The following PRUNE2 variants were observed in gnomAD, a reference collection of about 807,000 sequenced individuals.
PRUNE2 encodes the protein protein prune homolog 2.
In PRUNE2, 164 loss-of-function variants were observed where a neutral mutation model predicts 252.0. That is an observed-to-expected ratio of 0.65 (90% CI 0.57 to 0.74). The LOEUF is 0.74. Among genes scored for constraint, PRUNE2 ranks in the 30% least tolerant of loss-of-function variants. The pLI is 0.00. For missense variants in PRUNE2, 3,495 were observed against 3,711.0 expected (o/e 0.94, Z 1.51); for synonymous variants, 1,292 against 1,350.2 (o/e 0.96, Z 0.94).
chr9:76,620,072 T>C lies in PRUNE2; in HGVS notation c.9189-685A>G, dbSNP rs184366672. Among the ~76,000 whole-genome samples the C allele has an allele frequency of 2.2e-3, 336 of 152,276 alleles. 3 individuals are homozygous for C. The highest frequency in any genetic ancestry group is 7.5e-3 in the African/African-American group (312 of 41,546). On this transcript the variant is annotated intron_variant, in intron 17 of 18. Transcript: ENST00000376718. ...TGGTGTGATTTCTCTGTGAGCAAAT[T>C]TCAAATTTGCTTCCTATTAATTCTT...
At chr9:76,835,207 T>C (rs1293163770) in intron 4 of PRUNE2, among the ~76,000 whole-genome samples, 2 of 152,126 alleles carry the variant, frequency 1.3e-5, no homozygotes, top group African/African-American at 2.4e-5. Context: ...TATGATCTAA[T>C]GAAGTCAGAA....
intron 8 of PRUNE2, among the ~76,000 whole-genome samples, chr9:76,704,514 C>T (rs1411335242): frequency 5.3e-5 from 8 of 152,200 alleles, no homozygotes; most frequent in South Asian, 2.1e-4. Context: ...CGTGAGCCAC[C>T]GCGCCCAGCT....
At chr9:76,639,432 A>G (rs1841606322) in intron 12 of PRUNE2, among the ~76,000 whole-genome samples, 1 of 152,214 alleles carries the variant, frequency 6.6e-6, no homozygotes, top group Non-Finnish European at 1.5e-5. Context: ...CAGAGGTTGC[A>G]GTGAGCCAAG....
intron 1 of PRUNE2, among the ~76,000 whole-genome samples, chr9:76,889,427 C>T (rs963201622): frequency 1.3e-5 from 2 of 151,762 alleles, no homozygotes; most frequent in Non-Finnish European, 2.9e-5. Context: ...CTCAAGCAAT[C>T]CTCTTGCCTC....
At chr9:76,683,988 T>C (rs1196359795) in intron 9 of PRUNE2, among the ~76,000 whole-genome samples, 2 of 151,628 alleles carry the variant, frequency 1.3e-5, no homozygotes, top group East Asian at 1.9e-4. Flanking sequence ...CGAATATATA[T>C]TGATGGGATA....
In PRUNE2 at chr9:76,709,863, C is replaced by T; in HGVS notation, c.2411G>A (p.Gly804Asp). The T allele has an allele frequency of 6.2e-7, 1 of 1,613,874 alleles. No homozygotes were observed. The highest frequency in any genetic ancestry group is 8.5e-7 in the Non-Finnish European group (1 of 1,179,864). ...VAPFPAWSAF[G>D]KEDHDEALKN... ...TAAAGCTTCATCATGATCTTCTTTA[C>T]CAAATGCACTCCAGGCTGGGAATGG... is the stretch of plus-strand genomic sequence containing the variant. Residue 804 changes from glycine to aspartate, a missense_variant, in exon 8 of 19, where the codon GGT (glycine) becomes GAT (aspartate). Physicochemically the swap from Gly to Asp is moderately conservative, Grantham distance 94. Coordinates refer to ENST00000376718, the MANE Select transcript of PRUNE2 (RefSeq NM_015225.3).
At position 76,707,434 on chromosome 9, in the gene PRUNE2, A is replaced by G. The variant is rs758673718; in HGVS notation, c.4840T>C (p.Phe1614Leu). The G allele has an allele frequency of 1.9e-6, 3 of 1,613,960 alleles. No individual in the cohort carries two copies. In the East Asian group the frequency reaches 6.7e-5, roughly 36 times the overall value. Residue 1614 changes from phenylalanine (F) to leucine (L), a missense_variant, in exon 8 of 19, where the codon TTT becomes CTT. Physicochemically the swap from Phe to Leu is conservative, Grantham distance 22. Transcript: ENST00000376718. ...AAAAATGTAGGAGTTTTGCGATCAA[A>G]GCTCTTTTCAAACTCATTTATTCTG... ...KNRINEFEKSFDRKTPTFLEI... is the reference protein window; with the variant it reads ...KNRINEFEKSLDRKTPTFLEI...
intron 1 of PRUNE2, among the ~76,000 whole-genome samples, chr9:76,899,207 TG>T (rs1232931819): frequency 2.0e-5 from 3 of 152,216 alleles, no homozygotes; most frequent in Non-Finnish European, 2.9e-5. Context: ...ACGGTTCCAA[TG>T]GTTCCACTGT....
chr9:76,638,391 T>C (rs529682663), intron 12 of PRUNE2, 103 bp from the exon 13 acceptor site: 1 of 749,898 alleles, frequency 1.3e-6, no homozygotes, highest in Non-Finnish European at 2.3e-6. Flanking sequence ...TGTGTCTTTG[T>C]GGGTATATTA....
At chr9:76,711,852 G>A (rs1018787609) in intron 7 of PRUNE2, among the ~76,000 whole-genome samples, 6 of 152,106 alleles carry the variant, frequency 3.9e-5, no homozygotes, top group South Asian at 2.1e-4. Flanking sequence ...AGATGCTCCC[G>A]CAGTCTGATC....
chr9:76,624,960 A>G, intron 16 of PRUNE2: 1 of 1,112,254 alleles, frequency 9.0e-7, no homozygotes, highest in South Asian at 1.3e-5. Context: ...GAGGTCACCC[A>G]CAAGTAAAAC....
At chr9:76,619,885 C>G (rs1448229065) in intron 17 of PRUNE2, among the ~76,000 whole-genome samples, 3 of 152,214 alleles carry the variant, frequency 2.0e-5, no homozygotes, top group African/African-American at 4.8e-5. Flanking sequence ...AGGACACTTA[C>G]CACTCCATAC....
chr9:76,631,809 C>T (rs1034795580), intron 15 of PRUNE2, among the ~76,000 whole-genome samples: 5 of 152,110 alleles, frequency 3.3e-5, no homozygotes, highest in African/African-American at 1.2e-4. Context: ...GTTTTTTGAT[C>T]CTCACTGTCC....
intron 1 of PRUNE2, chr9:76,869,020 G>A (rs1395882406): frequency 3.3e-5 from 5 of 152,290 alleles, no homozygotes; most frequent in Admixed American, 3.3e-4. Context: ...GGATTAGAAG[G>A]GCTGGAGCTA....
In PRUNE2 at chr9:76,700,978, C is replaced by T. The variant is rs192897418; in HGVS notation, c.8276+2359G>A. Reference sequence around the variant, plus strand: ...ATTGACTAGCTTGACTTAAATATTACACTGCTATCTACCTTTTTACTTATG... The same window carrying T: ...ATTGACTAGCTTGACTTAAATATTATACTGCTATCTACCTTTTTACTTATG... On this transcript the variant is annotated intron_variant, in intron 9 of 18. Transcript: ENST00000376718. 3.3e-4 allele frequency among the ~76,000 whole-genome samples: 50 copies of T among 152,340 alleles called. No homozygotes were observed. The East Asian group carries it at 5.4e-3, about 16-fold the overall frequency.
intron 6 of PRUNE2, among the ~76,000 whole-genome samples, chr9:76,769,495 TCG>T (rs2052839944): frequency 7.1e-5 from 3 of 42,536 alleles, no homozygotes; most frequent in African/African-American, 1.1e-4. Context: ...CAATCTCGGC[TCG>T]TCGTCGCAAC....
chr9:76,648,268 CA>C (rs924496849), intron 11 of PRUNE2, among the ~76,000 whole-genome samples: 1 of 152,146 alleles, frequency 6.6e-6, no homozygotes, highest in Non-Finnish European at 1.5e-5. Flanking sequence ...CAGTTTCTTA[CA>C]AAATTAAGCA....
intron 6 of PRUNE2, among the ~76,000 whole-genome samples, chr9:76,794,355 G>A (rs185650822): frequency 6.6e-6 from 1 of 152,174 alleles, no homozygotes. Flanking sequence ...GGTCGCTCAC[G>A]CCTCTAATCC....
intron 9 of PRUNE2, among the ~76,000 whole-genome samples, chr9:76,672,740 T>A (rs1420930606): frequency 7.1e-6 from 1 of 141,184 alleles, no homozygotes; most frequent in African/African-American, 2.7e-5. Context: ...GAACTCAGGA[T>A]TAAGAATCTC....
Sources: gnomAD v4.1 joint callset for allele counts (sites outside exome capture counted in the v4.1 genomes callset) on GRCh38, gnomAD v4.1.1 for gene constraint, MANE v1.5 for transcripts, NCBI Gene and HGNC (gene_info 2026-07-23, HGNC 2026-07-21) for gene names.